The following TRPS1 variants were observed in gnomAD, a reference collection of about 807,000 sequenced individuals.
TRPS1 encodes transcriptional repressor GATA binding 1.
In TRPS1, 6 loss-of-function variants were observed where a neutral mutation model predicts 101.2. The ratio of observed to expected loss-of-function variants is 0.06; its 90% CI spans 0.03 to 0.12. The LOEUF (loss-of-function observed/expected upper bound fraction) is 0.12. Ranked by LOEUF, TRPS1 falls within the 10% of genes least tolerant of loss-of-function variation. TRPS1 has a pLI of 1.00. For missense variants in TRPS1, 1,363 were observed against 1,567.0 expected, an observed-to-expected ratio of 0.87 and a Z score of 2.20; for synonymous variants, 578 against 589.8, an observed-to-expected ratio of 0.98 and a Z score of 0.29.
chr8:115,611,045 G>T (rs1253925791), intron 3 of TRPS1, among the ~76,000 whole-genome samples: 1 of 151,454 alleles, frequency 6.6e-6, no homozygotes, highest in Non-Finnish European at 1.5e-5. Flanking sequence ...TGAGCCTGGG[G>T]GGCGGAGGTT....
intron 5 of TRPS1, among the ~76,000 whole-genome samples, chr8:115,421,901 C>T (rs1813072131): frequency 6.6e-6 from 1 of 152,210 alleles, no homozygotes; most frequent in Admixed American, 6.5e-5. Context: ...GACAGGGAAG[C>T]AGCCTGTTAC....
chr8:115,659,085 G>A (rs533586770), intron 1 of TRPS1, among the ~76,000 whole-genome samples: 1 of 152,112 alleles, frequency 6.6e-6, no homozygotes, highest in East Asian at 1.9e-4. Context: ...TATTATAATT[G>A]AGGTTTAGAT....
rs747264436 is a variant in TRPS1 at position 115,410,166 on chromosome 8, G to A, written c.*3857C>T. 1 of 151,834 alleles carries A rather than the reference G, an allele frequency of 6.6e-6. No homozygotes were observed. The highest frequency in any genetic ancestry group is 1.5e-5 in the Non-Finnish European group (1 of 67,944). 9.4% of individuals were successfully genotyped at this position (151,834 alleles called of 1,614,324 possible). On this transcript the variant is annotated 3_prime_UTR_variant, in exon 7 of 7. Coordinates refer to ENST00000395715, the MANE Select transcript of TRPS1 (RefSeq NM_014112.5). ...GATGTTTTGCAGCCACACAACAGGAGGCTAATAATTATTTTAATAGCCATA... is the reference window on the plus strand; with the variant it reads ...GATGTTTTGCAGCCACACAACAGGAAGCTAATAATTATTTTAATAGCCATA...
chr8:115,485,435 C>A (rs1586321350), intron 5 of TRPS1, among the ~76,000 whole-genome samples: 1 of 152,144 alleles, frequency 6.6e-6, no homozygotes, highest in South Asian at 2.1e-4. Flanking sequence ...CAGTCTCCTG[C>A]CCTACAAAAA....
intron 5 of TRPS1, among the ~76,000 whole-genome samples, chr8:115,514,816 TAAGA>T (rs1282646668): frequency 6.6e-6 from 1 of 151,640 alleles, no homozygotes; most frequent in East Asian, 1.9e-4. Context: ...TAGAATAGGA[TAAGA>T]AATACTGTGG....
chr8:115,507,454 C>A (rs1294797340), intron 5 of TRPS1, among the ~76,000 whole-genome samples: 1 of 151,958 alleles, frequency 6.6e-6, no homozygotes, highest in African/African-American at 2.4e-5. Flanking sequence ...CTGATTGATT[C>A]TGGTCATTAT....
chr8:115,412,181 A>T lies in TRPS1; in HGVS notation c.*1842T>A, dbSNP rs560144757. 12 of 137,110 alleles carry T rather than the reference A, an allele frequency of 8.8e-5. No individual in the cohort carries two copies. Among genetic ancestry groups the T allele is most frequent in the African/African-American group, 3.3e-4 (10 of 30,274 alleles). The allele number at this position is 137,110 out of a possible 1,614,324, so 8.5% of individuals were successfully genotyped here. The stretch of plus-strand genomic sequence containing the variant: ...ATGTGAGTTAAGAGCTTAAAAATTA[A>T]AAAAAAAAAAGTACTTGGAATGAAT... On this transcript the variant is annotated 3_prime_UTR_variant, in exon 7 of 7. Coordinates refer to ENST00000395715, the MANE Select transcript of TRPS1 (RefSeq NM_014112.5).
chr8:115,580,758 CATT>C (rs1375784985), intron 5 of TRPS1, among the ~76,000 whole-genome samples: 10 of 152,128 alleles, frequency 6.6e-5, no homozygotes, highest in African/African-American at 1.2e-4. Context: ...GTTACAAAAA[CATT>C]GTTGTTGTCG....
intron 5 of TRPS1, among the ~76,000 whole-genome samples, chr8:115,484,097 T>C (rs1814821923): frequency 6.6e-6 from 1 of 152,158 alleles, no homozygotes; most frequent in Non-Finnish European, 1.5e-5. Context: ...GAGGTCATGA[T>C]AAATCAAATA....
At chr8:115,609,590 C>G (rs1379490343) in intron 3 of TRPS1, among the ~76,000 whole-genome samples, 1 of 152,184 alleles carries the variant, frequency 6.6e-6, no homozygotes, top group Non-Finnish European at 1.5e-5. Context: ...CTGACTTGAC[C>G]TGGCATACAT....
intron 5 of TRPS1, among the ~76,000 whole-genome samples, chr8:115,575,552 A>G (rs1434492663): frequency 6.6e-6 from 1 of 152,112 alleles, no homozygotes; most frequent in Non-Finnish European, 1.5e-5. Context: ...AGGAAAGATA[A>G]TGCCAAGAAA....
At chr8:115,563,244 G>A (rs1816990335) in intron 5 of TRPS1, among the ~76,000 whole-genome samples, 1 of 151,994 alleles carries the variant, frequency 6.6e-6, no homozygotes, top group Non-Finnish European at 1.5e-5. Flanking sequence ...GTGTTCTTAG[G>A]AAGATTTTTT....
At chr8:115,524,416 G>C (rs1563574204) in intron 5 of TRPS1, among the ~76,000 whole-genome samples, 1 of 143,016 alleles carries the variant, frequency 7.0e-6, no homozygotes, top group Non-Finnish European at 1.5e-5. Flanking sequence ...CACATCCCAG[G>C]TTCAAGCAAT....
At chr8:115,636,791 A>C (rs1403172529) in intron 1 of TRPS1, among the ~76,000 whole-genome samples, 2 of 152,108 alleles carry the variant, frequency 1.3e-5, no homozygotes, top group Non-Finnish European at 2.9e-5. Context: ...GGGTGCCTGT[A>C]ATCTCAGCTA....
At chr8:115,523,857 T>C (rs952304434) in intron 5 of TRPS1, among the ~76,000 whole-genome samples, 3 of 152,172 alleles carry the variant, frequency 2.0e-5, no homozygotes, top group Non-Finnish European at 4.4e-5. Context: ...AAAAAATTCC[T>C]GGCCAACTGG....
intron 5 of TRPS1, among the ~76,000 whole-genome samples, chr8:115,579,918 GA>G (rs10710508): frequency 0.69 from 105,006 of 151,848 alleles, 37,731 homozygotes; most frequent in African/African-American, 0.89. Context: ...GCTGTCATCA[GA>G]AAAAAACAAA....
At chr8:115,440,334 C>T (rs911455841) in intron 5 of TRPS1, among the ~76,000 whole-genome samples, 3 of 152,138 alleles carry the variant, frequency 2.0e-5, no homozygotes, top group Non-Finnish European at 4.4e-5. Context: ...ATAGGAAGAC[C>T]GACTGGCTGA....
At chr8:115,522,309 A>G (rs1815885323) in intron 5 of TRPS1, among the ~76,000 whole-genome samples, 1 of 151,988 alleles carries the variant, frequency 6.6e-6, no homozygotes, top group Non-Finnish European at 1.5e-5. Context: ...TGTGAAAATG[A>G]CTATAAATGA....
At chr8:115,645,972 G>A (rs550272256) in intron 1 of TRPS1, among the ~76,000 whole-genome samples, 9 of 152,122 alleles carry the variant, frequency 5.9e-5, no homozygotes, top group South Asian at 2.1e-4. Flanking sequence ...AATAGCTGAC[G>A]GCTAGAATGC....
Sources: allele counts gnomAD v4.1 joint callset (sites outside exome capture counted in the v4.1 genomes callset), GRCh38; gene constraint gnomAD v4.1.1; transcripts MANE v1.5; gene names NCBI Gene and HGNC (gene_info 2026-07-23, HGNC 2026-07-21).